OSBPL9: variants seen among roughly 807,000 people sequenced by gnomAD.
OSBPL9 encodes the protein oxysterol binding protein like 9, also known as oxysterol-binding protein-related protein 9.
In OSBPL9, 40 loss-of-function variants were observed where a neutral mutation model predicts 106.6. The ratio of observed to expected loss-of-function variants is 0.38; its 90% CI spans 0.29 to 0.49. The LOEUF (loss-of-function observed/expected upper bound fraction) is 0.49. OSBPL9 is among the 20% of genes least tolerant of loss of function. The pLI is 0.97. For missense variants in OSBPL9, 609 were observed against 887.2 expected (o/e 0.69, Z 3.98); for synonymous variants, 269 against 295.4 (o/e 0.91, Z 0.92).
chr1:51,660,976 T>C (rs553969806), intron 2 of OSBPL9, among the ~76,000 whole-genome samples: 107 of 152,302 alleles, frequency 7.0e-4, no homozygotes, highest in Middle Eastern at 3.4e-3. Flanking sequence ...TGTTGGACTT[T>C]TGGCAAACTT....
At chr1:51,722,033 A>T (rs1240309432) in intron 4 of OSBPL9, among the ~76,000 whole-genome samples, 1 of 152,252 alleles carries the variant, frequency 6.6e-6, no homozygotes, top group Admixed American at 6.5e-5. Flanking sequence ...TAGTATAAAG[A>T]TTTAAGATTG....
At chr1:51,730,037 C>G in intron 4 of OSBPL9, 1 of 1,300,108 alleles carries the variant, frequency 7.7e-7, no homozygotes, top group Non-Finnish European at 9.8e-7. Context: ...GAGGGGCCGG[C>G]CCCTACCCCT....
intron 1 of OSBPL9, among the ~76,000 whole-genome samples, chr1:51,593,354 A>G (rs1208239572): frequency 6.6e-6 from 1 of 152,190 alleles, no homozygotes; most frequent in African/African-American, 2.4e-5. Context: ...TACCCAGGTC[A>G]GATCTTATTT....
chr1:51,523,007 A>C, the OSBPL9 span, among the ~76,000 whole-genome samples: 1 of 152,104 alleles, frequency 6.6e-6, no homozygotes, highest in Non-Finnish European at 1.5e-5. Context: ...TTGTAATTTT[A>C]GCACTCTGGA....
intron 3 of OSBPL9, among the ~76,000 whole-genome samples, chr1:51,686,453 T>G (rs1158126351): frequency 6.6e-6 from 1 of 152,214 alleles, no homozygotes; most frequent in African/African-American, 2.4e-5. Context: ...TCTTTGCAGC[T>G]CTAGCTTCAC....
At chr1:51,685,059 G>A (rs1456322672) in intron 3 of OSBPL9, among the ~76,000 whole-genome samples, 4 of 151,852 alleles carry the variant, frequency 2.6e-5, no homozygotes, top group African/African-American at 4.8e-5. Flanking sequence ...GCAGTCCTTC[G>A]CTTCTAGAAA....
chr1:51,577,113 C>T (rs1255092084), upstream of OSBPL9: 1 of 152,070 alleles, frequency 6.6e-6, no homozygotes, highest in Non-Finnish European at 1.5e-5. Flanking sequence ...ACCTCCCCTT[C>T]CTACTCTCTC....
At chr1:51,757,986 G>A (rs938771775) in intron 9 of OSBPL9, among the ~76,000 whole-genome samples, 9 of 152,140 alleles carry the variant, frequency 5.9e-5, no homozygotes, top group Non-Finnish European at 1.2e-4. Flanking sequence ...GGGCTGAGTA[G>A]TATTATTTTT....
intron 2 of OSBPL9, among the ~76,000 whole-genome samples, chr1:51,604,119 C>A (rs1189088992): frequency 1.3e-5 from 2 of 152,214 alleles, no homozygotes; most frequent in African/African-American, 4.8e-5. Flanking sequence ...AATCTTCAGG[C>A]AGTGAGCTGC....
chr1:51,748,478 T>C, intron 7 of OSBPL9, 80 bp downstream of exon 7: 4 of 1,333,156 alleles, frequency 3.0e-6, no homozygotes, highest in Non-Finnish European at 3.9e-6. Flanking sequence ...GCTGCCACTA[T>C]TGATGACAGC....
rs78727411 is a variant in OSBPL9, at chr1:51,736,388, T to G, written c.319-9148T>G. Among the ~76,000 whole-genome samples the G allele has an allele frequency of 6.6e-5, 10 of 152,310 alleles. No homozygotes were observed. The East Asian group carries it at 1.9e-3, about 29-fold the overall frequency. On this transcript the variant is annotated intron_variant, in intron 4 of 23. Coordinates refer to ENST00000428468, the MANE Select transcript of OSBPL9 (RefSeq NM_024586.6). ...AGAACAATTGTTGAGTCTATTCAAG[T>G]CAGGGTCGTTGTTTTATTTTGTTTG...
chr1:51,590,641 AAAAG>A (rs1412038376), intron 1 of OSBPL9, among the ~76,000 whole-genome samples: 1 of 151,722 alleles, frequency 6.6e-6, no homozygotes, highest in Non-Finnish European at 1.5e-5. Context: ...AAAAAGAAAA[AAAAG>A]AAAAAAAAAG....
At chr1:51,535,795 G>A in the OSBPL9 span, among the ~76,000 whole-genome samples, 1 of 151,970 alleles carries the variant, frequency 6.6e-6, no homozygotes, top group Non-Finnish European at 1.5e-5. Flanking sequence ...GACCTCAAAT[G>A]TTAACCCCCC....
chr1:51,769,901 G>A (rs565924458), intron 12 of OSBPL9, among the ~76,000 whole-genome samples: 1 of 152,216 alleles, frequency 6.6e-6, no homozygotes, highest in East Asian at 1.9e-4. Context: ...GGGTTTTTAG[G>A]TCAATTGATT....
chr1:51,642,529 C>T (rs960844051), intron 1 of OSBPL9, among the ~76,000 whole-genome samples: 4 of 152,026 alleles, frequency 2.6e-5, no homozygotes, highest in African/African-American at 4.8e-5. Context: ...AATTGTCCTG[C>T]GTGAGTAGCC....
At chr1:51,677,217 C>T (rs972633048) in intron 3 of OSBPL9, among the ~76,000 whole-genome samples, 2 of 152,224 alleles carry the variant, frequency 1.3e-5, no homozygotes, top group Non-Finnish European at 2.9e-5. Flanking sequence ...TGGGCCCGCT[C>T]TAGTGATTCT....
chr1:51,530,735 C>T, the OSBPL9 span, among the ~76,000 whole-genome samples: 1 of 151,814 alleles, frequency 6.6e-6, no homozygotes, highest in Non-Finnish European at 1.5e-5. Context: ...CAGTGGCTCA[C>T]ACCTGTAGTC....
intron 14 of OSBPL9, among the ~76,000 whole-genome samples, chr1:51,775,591 A>G (rs1032146554): frequency 4.0e-5 from 6 of 151,650 alleles, no homozygotes; most frequent in Non-Finnish European, 7.4e-5. Flanking sequence ...TGTCTCCACC[A>G]TAGCTTGCTT....
chr1:51,676,192 C>T (rs1570990960), intron 3 of OSBPL9, among the ~76,000 whole-genome samples: 1 of 151,868 alleles, frequency 6.6e-6, no homozygotes, highest in Non-Finnish European at 1.5e-5. Context: ...TTTGGGAGAC[C>T]GAGGTGGTGG....
Sources: gnomAD v4.1 joint callset for allele counts (sites outside exome capture counted in the v4.1 genomes callset) on GRCh38, gnomAD v4.1.1 for gene constraint, MANE v1.5 for transcripts, NCBI Gene and HGNC (gene_info 2026-07-23, HGNC 2026-07-21) for gene names.